DLGAP2: variants seen among roughly 807,000 people sequenced by gnomAD.
The protein encoded by DLGAP2 is DLG associated protein 2.
DLGAP2 carries 26 observed loss-of-function variants against 100.3 expected under a neutral mutation model. The ratio of observed to expected loss-of-function variants is 0.26; its 90% confidence interval spans 0.19 to 0.36. The LOEUF (loss-of-function observed/expected upper bound fraction) is 0.36, where lower values mean the gene tolerates loss of function less well. DLGAP2 is among the 10% of genes least tolerant of loss of function. DLGAP2 has a pLI of 1.00. For missense variants in DLGAP2, 1,858 were observed against 1,453.2 expected (o/e 1.28, Z -4.53); for synonymous variants, 886 against 630.1 (o/e 1.41, Z -6.08).
At chr8:1,449,059 G>GC (rs1291762928) in intron 3 of DLGAP2, among the ~76,000 whole-genome samples, 1 of 152,154 alleles carries the variant, frequency 6.6e-6, no homozygotes, top group Non-Finnish European at 1.5e-5. Flanking sequence ...GCACATCCCG[G>GC]CCCCCCAGAG....
At chr8:847,437 C>T (rs754148585) in intron 1 of DLGAP2, among the ~76,000 whole-genome samples, 8 of 151,838 alleles carry the variant, frequency 5.3e-5, no homozygotes, top group Non-Finnish European at 1.2e-4. Flanking sequence ...CCTTCTTTTT[C>T]ATGTAACTCT....
intron 3 of DLGAP2, among the ~76,000 whole-genome samples, chr8:1,322,319 A>G (rs1800920332): frequency 2.0e-5 from 3 of 152,258 alleles, no homozygotes; most frequent in African/African-American, 7.2e-5. Flanking sequence ...CAAACTTAAA[A>G]TGTTCATTCT....
chr8:1,371,150 G>C (rs1802227994), intron 3 of DLGAP2, among the ~76,000 whole-genome samples: 1 of 152,254 alleles, frequency 6.6e-6, no homozygotes, highest in Admixed American at 6.5e-5. Context: ...CCTCGAGGAA[G>C]AGAGTAAGAC....
At chr8:792,913 G>A (rs545752823) in intron 1 of DLGAP2, among the ~76,000 whole-genome samples, 52 of 152,168 alleles carry the variant, frequency 3.4e-4, no homozygotes, top group African/African-American at 1.2e-3. Context: ...CACTTCCCAC[G>A]CATTTCTATT....
chr8:1,506,622 G>A (rs73540655), intron 4 of DLGAP2, among the ~76,000 whole-genome samples: 2 of 152,116 alleles, frequency 1.3e-5, no homozygotes, highest in Non-Finnish European at 2.9e-5. Context: ...GCCAGTGCCG[G>A]CTCAGGCAGA....
At chr8:1,390,766 T>C (rs1160067701) in intron 3 of DLGAP2, among the ~76,000 whole-genome samples, 2 of 152,170 alleles carry the variant, frequency 1.3e-5, no homozygotes, top group Admixed American at 6.5e-5. Flanking sequence ...GGATTTCAGC[T>C]CAACCCTCTG....
At chr8:1,067,550 C>T (rs1443946169) in intron 2 of DLGAP2, among the ~76,000 whole-genome samples, 1 of 151,578 alleles carries the variant, frequency 6.6e-6, no homozygotes, top group African/African-American at 2.4e-5. Flanking sequence ...CCTGGGCAAC[C>T]ATTTCCATGC....
intron 1 of DLGAP2, among the ~76,000 whole-genome samples, chr8:796,532 C>A (rs1796040599): frequency 6.6e-6 from 1 of 152,280 alleles, no homozygotes; most frequent in South Asian, 2.1e-4. Flanking sequence ...GCCTCTCCTC[C>A]CCATGCCACT....
chr8:886,323 G>T (rs1325152256), intron 1 of DLGAP2, among the ~76,000 whole-genome samples: 5 of 152,006 alleles, frequency 3.3e-5, no homozygotes, highest in Non-Finnish European at 7.4e-5. Flanking sequence ...TCAAAAAACA[G>T]CTCCTGGATT....
chr8:758,433 A>G (rs1434065313), intron 1 of DLGAP2, among the ~76,000 whole-genome samples: 1 of 152,184 alleles, frequency 6.6e-6, no homozygotes, highest in Non-Finnish European at 1.5e-5. Context: ...TAAAAGTAAC[A>G]TTTGCGTATA....
intron 4 of DLGAP2, among the ~76,000 whole-genome samples, chr8:1,529,069 G>T (rs1240132284): frequency 1.7e-5 from 2 of 117,394 alleles, no homozygotes; most frequent in Non-Finnish European, 3.8e-5. Context: ...ATAAAGAGCT[G>T]CCTGAGACTG....
At chr8:1,209,456 T>C (rs1798060536) in intron 2 of DLGAP2, among the ~76,000 whole-genome samples, 1 of 152,248 alleles carries the variant, frequency 6.6e-6, no homozygotes, top group African/African-American at 2.4e-5. Context: ...TATGTAGTCC[T>C]AGATCTGTGC....
At chr8:1,356,931 G>A (rs751239979) in intron 3 of DLGAP2, among the ~76,000 whole-genome samples, 2 of 152,200 alleles carry the variant, frequency 1.3e-5, no homozygotes, top group Non-Finnish European at 2.9e-5. Flanking sequence ...TACAGCGCAC[G>A]TTCATTCGGC....
At chr8:1,643,625 T>C (rs1380248252) in intron 8 of DLGAP2, among the ~76,000 whole-genome samples, 4 of 24,156 alleles carry the variant, frequency 1.7e-4, no homozygotes, top group Non-Finnish European at 2.0e-4. Context: ...CCGCCGGCCC[T>C]CACCTGTGTC....
At chr8:814,850 C>CAAAAAAAAA (rs34412684) in intron 1 of DLGAP2, among the ~76,000 whole-genome samples, 4 of 61,886 alleles carry the variant, frequency 6.5e-5, no homozygotes, top group Non-Finnish European at 1.1e-4. Context: ...GACTCCGTCT[C>CAAAAAAAAA]AAAAAAAAAA....
intron 1 of DLGAP2, among the ~76,000 whole-genome samples, chr8:799,816 C>A (rs1167359721): frequency 6.6e-6 from 1 of 152,148 alleles, no homozygotes; most frequent in African/African-American, 2.4e-5. Flanking sequence ...AGGCTGATTG[C>A]GAGCTCCTGG....
At chr8:1,440,873 C>T (rs1007585225) in intron 3 of DLGAP2, among the ~76,000 whole-genome samples, 2 of 152,198 alleles carry the variant, frequency 1.3e-5, no homozygotes, top group African/African-American at 2.4e-5. Context: ...TGTTTTAGGA[C>T]ATCCTAAACT....
chr8:860,356 T>G (rs992331382), intron 1 of DLGAP2, among the ~76,000 whole-genome samples: 4 of 152,354 alleles, frequency 2.6e-5, no homozygotes, highest in South Asian at 2.1e-4. Flanking sequence ...TAGCAGAGCT[T>G]CTGACCTGTT....
At chr8:1,177,735 G>A (rs151139440) in intron 2 of DLGAP2, among the ~76,000 whole-genome samples, 1 of 152,138 alleles carries the variant, frequency 6.6e-6, no homozygotes. Context: ...CAGCAGGTTC[G>A]ATGTCTGGTG....
Sources: gnomAD v4.1 joint callset for allele counts (sites outside exome capture counted in the v4.1 genomes callset) on GRCh38, gnomAD v4.1.1 for gene constraint, MANE v1.5 for transcripts, NCBI Gene and HGNC (gene_info 2026-07-23, HGNC 2026-07-21) for gene names.